APBA2: variants seen among roughly 807,000 people sequenced by gnomAD.
APBA2 encodes the protein amyloid beta precursor protein binding family A member 2, also known as amyloid-beta A4 precursor protein-binding family A member 2.
APBA2 carries 30 observed loss-of-function variants against 75.0 expected under a neutral mutation model. The ratio of observed to expected loss-of-function variants is 0.40; its 90% CI spans 0.30 to 0.54. The LOEUF is 0.54. APBA2 is among the 20% of genes least tolerant of loss of function. The pLI is 0.49. For synonymous variants in APBA2, 444 were observed against 409.6 expected (o/e 1.08, Z -1.01); for missense variants, 801 against 1,016.1 (o/e 0.79, Z 2.88).
chr15:28,935,161 T>C (rs2034786822), intron 2 of APBA2, among the ~76,000 whole-genome samples: 1 of 152,232 alleles, frequency 6.6e-6, no homozygotes, highest in Admixed American at 6.5e-5. Context: ...TGGATTTTTA[T>C]GCTGGTTGAT....
At chr15:28,958,271 G>A (rs908211596) in intron 2 of APBA2, among the ~76,000 whole-genome samples, 28 of 152,340 alleles carry the variant, frequency 1.8e-4, no homozygotes, top group African/African-American at 4.8e-4. Context: ...TAATAGCAAC[G>A]TGGCTGTTAT....
intron 1 of APBA2, among the ~76,000 whole-genome samples, chr15:28,901,940 G>GTGTGTGTGTGTGTGTA (rs1338480866): frequency 2.8e-5 from 4 of 145,306 alleles, no homozygotes; most frequent in African/African-American, 1.0e-4. Context: ...GTGTGTGTGT[G>GTGTGTGTGTGTGTGTA]TATGTTGGGG....
rs1208311017 is a variant in APBA2 at position 29,114,021 on chromosome 15, G to T, written c.2178+5G>T. ...CTGTCCAACTCGGTCGGAGAGGTAA[G>T]GAGGGACTTTGAGTGTGCCTCTGCA... On this transcript the variant is annotated splice_donor_5th_base_variant and intron_variant, in intron 14 of 14. Coordinates refer to ENST00000683413, the MANE Select transcript of APBA2 (RefSeq NM_001353788.2). The T allele has an allele frequency of 6.2e-7, 1 of 1,613,658 alleles. No individual in the cohort carries two copies.
At chr15:28,888,495 C>T (rs2031906455) in intron 1 of APBA2, among the ~76,000 whole-genome samples, 1 of 152,310 alleles carries the variant, frequency 6.6e-6, no homozygotes, top group African/African-American at 2.4e-5. Context: ...AGCTCCTCTC[C>T]GGCGCTCCTG....
chr15:28,903,639 C>T (rs778706871), intron 1 of APBA2, among the ~76,000 whole-genome samples: 1 of 152,190 alleles, frequency 6.6e-6, no homozygotes, highest in Non-Finnish European at 1.5e-5. Flanking sequence ...GGGACAGCTG[C>T]GGTTTAGTGG....
intron 1 of APBA2, among the ~76,000 whole-genome samples, chr15:28,898,284 A>C (rs36179795): frequency 0.58 from 87,964 of 152,108 alleles, 28,848 homozygotes; most frequent in Middle Eastern, 0.83. Flanking sequence ...GAGACACACA[A>C]AAGTGTCCAT....
rs1183330563 is a variant in APBA2 at position 29,051,656 on chromosome 15, G to A, written c.-40-2189G>A. ...TAACCGTGACCATCTGGTACACTCA[G>A]TCTCATAACAAGATGTGTTTTGGGC... On this transcript the variant is annotated intron_variant, in intron 3 of 14. Transcript: ENST00000683413. Among the ~76,000 whole-genome samples, 6 of 152,312 alleles carry A rather than the reference G, an allele frequency of 3.9e-5. No individual in the cohort carries two copies. In the East Asian group the frequency reaches 5.8e-4, roughly 15 times the overall value.
chr15:29,047,081 T>C (rs771610038), intron 3 of APBA2, among the ~76,000 whole-genome samples: 66 of 152,316 alleles, frequency 4.3e-4, no homozygotes, highest in Admixed American at 2.5e-3. Context: ...GGGAAGGCCA[T>C]CTCTCCATTA....
intron 7 of APBA2, among the ~76,000 whole-genome samples, chr15:29,093,813 A>G (rs2279493): frequency 0.85 from 128,759 of 152,076 alleles, 57,919 homozygotes; most frequent in Non-Finnish European, 0.99. Context: ...GAGAAATGGC[A>G]GCAACCTCCT....
At chr15:29,030,992 T>C (rs2040461222) in intron 3 of APBA2, among the ~76,000 whole-genome samples, 1 of 152,220 alleles carries the variant, frequency 6.6e-6, no homozygotes, top group African/African-American at 2.4e-5. Flanking sequence ...TTATTTTTGT[T>C]ATTAATGGGA....
At chr15:29,007,601 C>T (rs2039185352) in intron 3 of APBA2, among the ~76,000 whole-genome samples, 1 of 152,180 alleles carries the variant, frequency 6.6e-6, no homozygotes, top group Non-Finnish European at 1.5e-5. Context: ...AAGATAGACA[C>T]ATGGCCAGTA....
intron 2 of APBA2, among the ~76,000 whole-genome samples, chr15:28,986,499 A>C (rs1040650169): frequency 2.2e-4 from 34 of 152,054 alleles, no homozygotes; most frequent in African/African-American, 8.0e-4. Context: ...TTAAAATTTT[A>C]ATTATTAAAA....
intron 13 of APBA2, among the ~76,000 whole-genome samples, chr15:29,113,313 C>T (rs535657480): frequency 3.3e-5 from 5 of 151,962 alleles, no homozygotes; most frequent in African/African-American, 1.2e-4. Context: ...AAAACCAGAA[C>T]CAGTATATTT....
chr15:28,989,234 A>T (rs1458329614), intron 2 of APBA2, among the ~76,000 whole-genome samples: 1 of 152,164 alleles, frequency 6.6e-6, no homozygotes, highest in East Asian at 1.9e-4. Context: ...GTAGAAGCTA[A>T]GAGTGTGGAT....
chr15:28,911,933 AG>A (rs2033447611), intron 1 of APBA2, among the ~76,000 whole-genome samples: 1 of 152,360 alleles, frequency 6.6e-6, no homozygotes. Flanking sequence ...AATTTGGATT[AG>A]TGGGAAGTTG....
At chr15:28,901,323 G>A (rs143591439) in intron 1 of APBA2, among the ~76,000 whole-genome samples, 13,635 of 152,120 alleles carry the variant, frequency 0.09, 2,088 homozygotes, top group African/African-American at 0.31. Flanking sequence ...GTTTGGGGTT[G>A]TCTGAGCCCC....
chr15:28,924,450 A>G (rs1243203698), intron 2 of APBA2, among the ~76,000 whole-genome samples: 3 of 152,070 alleles, frequency 2.0e-5, no homozygotes, highest in African/African-American at 4.8e-5. Flanking sequence ...GGCAACCCCA[A>G]TCTGCTTTCT....
chr15:28,907,798 T>C (rs1187030466), intron 1 of APBA2, among the ~76,000 whole-genome samples: 1 of 152,180 alleles, frequency 6.6e-6, no homozygotes, highest in East Asian at 1.9e-4. Flanking sequence ...CCAGGAGCGC[T>C]TGGGCGACCC....
At chr15:28,973,643 G>GT (rs1401826808) in intron 2 of APBA2, among the ~76,000 whole-genome samples, 78 of 152,238 alleles carry the variant, frequency 5.1e-4, no homozygotes, top group African/African-American at 1.9e-3. Flanking sequence ...ATTTTAAAAT[G>GT]TTTAAAAAAA....
Sources: gnomAD v4.1 joint callset for allele counts (sites outside exome capture counted in the v4.1 genomes callset) on GRCh38, gnomAD v4.1.1 for gene constraint, MANE v1.5 for transcripts, NCBI Gene and HGNC (gene_info 2026-07-23, HGNC 2026-07-21) for gene names.